The following GPR37 variants were observed in gnomAD, a reference collection of about 807,000 sequenced individuals.
GPR37 encodes the protein G protein-coupled receptor 37, also known as prosaposin receptor GPR37.
In GPR37, 20 loss-of-function variants were observed where a neutral mutation model predicts 43.6. The observed-to-expected ratio is 0.46, with a 90% confidence interval of 0.32 to 0.67. The LOEUF is 0.67. Ranked by LOEUF, GPR37 falls within the 30% of genes least tolerant of loss-of-function variation. GPR37 has a pLI of 0.03. For missense variants in GPR37, 724 were observed against 797.2 expected (o/e 0.91, Z 1.11); for synonymous variants, 315 against 322.6 (o/e 0.98, Z 0.25).
intron 1 of GPR37, among the ~76,000 whole-genome samples, chr7:124,748,828 A>G (rs1793702660): frequency 6.6e-6 from 1 of 152,136 alleles, no homozygotes; most frequent in South Asian, 2.1e-4. Context: ...AACCAAAAAT[A>G]TGTACCTATT....
chr7:124,764,879 G>T lies in GPR37; in HGVS notation c.98C>A (p.Ala33Glu). The T allele has an allele frequency of 6.2e-7, 1 of 1,609,718 alleles. No homozygotes were observed. Among genetic ancestry groups the T allele is most frequent in the Non-Finnish European group, 8.5e-7 (1 of 1,178,120 alleles). Residue 33 changes from alanine (A) to glutamate (E), a missense_variant, in exon 1 of 2, where the codon GCG (alanine) becomes GAG (glutamate). Physicochemically the swap from Ala to Glu is moderately radical, Grantham distance 107. Around this residue, in one of 2 missense-constraint regions of GPR37, gnomAD observed 382 missense variants for 355.4 expected, o/e 1.07. Coordinates refer to ENST00000303921, the MANE Select transcript of GPR37 (RefSeq NM_005302.5). The surrounding 1 kb of genome is among the most constrained non-coding windows in gnomAD (Gnocchi z 5.4). Reference protein sequence around the residue: ...SASSALGVAPASRNETCLGES... With the variant: ...SASSALGVAPESRNETCLGES... ...CCCCAGACAAGTTTCGTTTCTGGAC[G>T]CAGGGGCGACCCCGAGGGCAGAAGA...
At chr7:124,748,298 G>A (rs1793695840) in intron 1 of GPR37, among the ~76,000 whole-genome samples, 1 of 152,000 alleles carries the variant, frequency 6.6e-6, no homozygotes, top group Non-Finnish European at 1.5e-5. Flanking sequence ...AATTCTAACT[G>A]GGAGCCTGAA....
chr7:124,748,697 G>A (rs1793701368), intron 1 of GPR37, among the ~76,000 whole-genome samples: 1 of 151,954 alleles, frequency 6.6e-6, no homozygotes. Context: ...CCCAAACACA[G>A]GAAAATTTTG....
intron 1 of GPR37, among the ~76,000 whole-genome samples, chr7:124,757,912 T>C (rs1347721060): frequency 6.6e-6 from 1 of 152,200 alleles, no homozygotes; most frequent in Non-Finnish European, 1.5e-5. Flanking sequence ...GAACGAATGA[T>C]GACACCTATG....
At position 124,764,474 on chromosome 7, in the gene GPR37, T is replaced by A; in HGVS notation, c.503A>T (p.Gln168Leu). 5 of 1,613,702 alleles carry A rather than the reference T, an allele frequency of 3.1e-6. No homozygotes were observed. The highest frequency in any genetic ancestry group is 4.2e-6 in the Non-Finnish European group (5 of 1,180,042). Reference sequence around the variant, plus strand: ...GGCTCCGGGGACTGTCTTCACACTCTGCTCCTGGCTACGCCCGGAAATGCC... The same window carrying A: ...GGCTCCGGGGACTGTCTTCACACTCAGCTCCTGGCTACGCCCGGAAATGCC... ...GAGISGRSQE[Q>L]SVKTVPGASD... The change falls in exon 1 of 2, where the codon CAG becomes CTG. Residue 168 changes from glutamine (Q) to leucine (L), a missense_variant. Gln to Leu is a moderately radical substitution (Grantham distance 113, BLOSUM62 -2). This residue lies in a region of GPR37 where 382 missense variants were observed against 355.4 expected (regional missense o/e 1.07). Coordinates refer to ENST00000303921, the MANE Select transcript of GPR37 (RefSeq NM_005302.5). This position sits in a 1 kb window ranked among gnomAD's most constrained non-coding sequence, Gnocchi z 5.4.
At chr7:124,753,742 T>C (rs1793757976) in intron 1 of GPR37, among the ~76,000 whole-genome samples, 1 of 152,090 alleles carries the variant, frequency 6.6e-6, no homozygotes, top group Admixed American at 6.6e-5. Flanking sequence ...TAGTCCCTTA[T>C]CACCACTGGC....
intron 1 of GPR37, among the ~76,000 whole-genome samples, chr7:124,756,909 C>T (rs1051360842): frequency 6.6e-6 from 1 of 152,018 alleles, no homozygotes; most frequent in Non-Finnish European, 1.5e-5. Flanking sequence ...AAAGGTAGAC[C>T]CTCACCCACT....
At chr7:124,752,460 T>C (rs1273564337) in intron 1 of GPR37, among the ~76,000 whole-genome samples, 1 of 152,132 alleles carries the variant, frequency 6.6e-6, no homozygotes, top group African/African-American at 2.4e-5. Context: ...TTGCTTTACA[T>C]ATGGAATCAC....
rs746039724 is a variant in GPR37, at chr7:124,746,940, C to T, written c.1427G>A (p.Cys476Tyr). The T allele has an allele frequency of 1.8e-5, 29 of 1,613,938 alleles. No individual in the cohort carries two copies. Among genetic ancestry groups the T allele is most frequent in the Non-Finnish European group, 2.4e-5 (28 of 1,179,974 alleles). The change falls in exon 2 of 2, where the codon TGT (cysteine) becomes TAT (tyrosine). Residue 476 changes from cysteine (C) to tyrosine (Y), a missense_variant. Cys to Tyr is a radical substitution (Grantham distance 194). Transcript: ENST00000303921. The part of the protein sequence containing the change: ...ARKIRKAEKA[C>Y]TRGNKRQIQL... The stretch of plus-strand genomic sequence containing the variant: ...AATCTGCCGTTTATTCCCTCGGGTA[C>T]AGGCTTTCTCTGCTTTGCGGATTTT...
In GPR37 at chr7:124,746,244, TTTAAG is replaced by T. The variant is rs377098795; in HGVS notation, c.*276_*280del. On this transcript the variant is annotated 3_prime_UTR_variant, in exon 2 of 2. Coordinates refer to ENST00000303921, the MANE Select transcript of GPR37 (RefSeq NM_005302.5). ...TAAAAGAAGAAAAAACGTTAGCAAT[TTTAAG>T]TTAAGTTGCAGTAACTTTTTTCAAA... is the stretch of plus-strand genomic sequence containing the variant. The T allele has an allele frequency of 4.4e-3, 1,153 of 262,278 alleles. 8 individuals carry two copies. Among genetic ancestry groups the T allele is most frequent in the African/African-American group, 0.022 (977 of 45,332 alleles). 16.2% of individuals were successfully genotyped at this position (262,278 alleles called of 1,614,324 possible).
At position 124,764,917 on chromosome 7, in the gene GPR37, G is replaced by C. The variant is rs763099360; in HGVS notation, c.60C>G (p.Leu20=). 3.8e-5 allele frequency: 60 copies of C among 1,575,908 alleles called. No individual in the cohort carries two copies. The highest frequency in any genetic ancestry group is 1.7e-4 in the Middle Eastern group (1 of 5,904). ...RMSRLLLLLL[L]KVSASSALGV... is the part of the protein sequence containing the mutation. ...CGAGGGCAGAAGAGGCAGACACCTT[G>C]AGCAGTAGCAGAAGCAGTAGCCGCG... The change falls in exon 1 of 2, where the codon CTC becomes CTG. Residue 20 remains leucine, a synonymous_variant. Coordinates refer to ENST00000303921, the MANE Select transcript of GPR37 (RefSeq NM_005302.5). This position sits in a 1 kb window ranked among gnomAD's most constrained non-coding sequence, Gnocchi z 5.4.
rs1793670273 is a variant in GPR37 at position 124,746,410 on chromosome 7, T to G, written c.*115A>C. ...AATCAGTTCTACAGTAGTTAATATT[T>G]CTTTCTTTATTGTTTCTTTTTTGCA... On this transcript the variant is annotated 3_prime_UTR_variant, in exon 2 of 2. Transcript: ENST00000303921. 2 of 776,422 alleles carry G rather than the reference T, an allele frequency of 2.6e-6. No homozygotes were observed. The highest frequency in any genetic ancestry group is 3.5e-5 in the African/African-American group (2 of 57,272). 48.1% of individuals were successfully genotyped at this position (776,422 alleles called of 1,614,324 possible).
chr7:124,759,440 TCTC>T (rs1214566921), intron 1 of GPR37, among the ~76,000 whole-genome samples: 4 of 152,124 alleles, frequency 2.6e-5, no homozygotes, highest in Non-Finnish European at 5.9e-5. Flanking sequence ...CCTCTGCCAT[TCTC>T]CTATTGCAAT....
At chr7:124,761,008 A>T (rs1018166588) in intron 1 of GPR37, among the ~76,000 whole-genome samples, 9 of 152,028 alleles carry the variant, frequency 5.9e-5, no homozygotes, top group Non-Finnish European at 1.0e-4. Context: ...ATACAAAAAA[A>T]ATTAGCCGGG....
In GPR37 at chr7:124,753,390, T is replaced by C. The variant is rs34002971; in HGVS notation, c.1024-6047A>G. Among the ~76,000 whole-genome samples the C allele has an allele frequency of 1.9e-3, 288 of 152,262 alleles. 6 individuals carry two copies. The East Asian group carries it at 0.03, about 16-fold the overall frequency. ...AATGATCCAGATATTTCAAGTGACA[T>C]TCCAGATGTTCAATATTCAAGCGAC... On this transcript the variant is annotated intron_variant, in intron 1 of 1. Coordinates refer to ENST00000303921, the MANE Select transcript of GPR37 (RefSeq NM_005302.5).
intron 1 of GPR37, among the ~76,000 whole-genome samples, chr7:124,760,087 G>A (rs563851230): frequency 5.8e-4 from 88 of 151,468 alleles, no homozygotes; most frequent in Non-Finnish European, 1.2e-3. Flanking sequence ...AATTAACTAC[G>A]AAAAAATTAA....
At position 124,764,590 on chromosome 7, in the gene GPR37, C is replaced by T. The variant is rs1447738090; in HGVS notation, c.387G>A (p.Glu129=). Residue 129 remains glutamate (E), a synonymous_variant, in exon 1 of 2, where the codon GAG becomes GAA. Transcript: ENST00000303921. This position sits in a 1 kb window ranked among gnomAD's most constrained non-coding sequence, Gnocchi z 5.4. ...TCCCTCTCCCCAAAGTTTCAGAAGGCTCCTGACCCCGAGCACCTTTCCACC... is the reference window on the plus strand; with the variant it reads ...TCCCTCTCCCCAAAGTTTCAGAAGGTTCCTGACCCCGAGCACCTTTCCACC... ...PWRWKGARGQ[E]PSETLGRGNP... 1 of 1,608,270 alleles carries T rather than the reference C, an allele frequency of 6.2e-7. No individual in the cohort carries two copies. Among genetic ancestry groups the T allele is most frequent in the Admixed American group, 1.7e-5 (1 of 59,582 alleles).
intron 1 of GPR37, among the ~76,000 whole-genome samples, chr7:124,751,647 T>C (rs368853391): frequency 2.0e-5 from 3 of 152,198 alleles, no homozygotes; most frequent in East Asian, 3.9e-4. Context: ...CTAAGATGAA[T>C]AGTGCAATTA....
At chr7:124,761,094 T>C (rs1349204111) in intron 1 of GPR37, among the ~76,000 whole-genome samples, 1 of 147,974 alleles carries the variant, frequency 6.8e-6, no homozygotes, top group African/African-American at 2.5e-5. Context: ...AAGCAGAGGT[T>C]GCAGTGAGCT....
Sources: allele counts gnomAD v4.1 joint callset (sites outside exome capture counted in the v4.1 genomes callset), GRCh38; gene constraint gnomAD v4.1.1; regional missense constraint gnomAD v4.1.1; non-coding constraint Gnocchi (gnomAD v3.1); transcripts MANE v1.5; gene names NCBI Gene and HGNC (gene_info 2026-07-23, HGNC 2026-07-21).